Variants in FNTB observed in about 807,000 individuals in gnomAD.
The protein encoded by FNTB is farnesyltransferase, CAAX box, subunit beta.
FNTB carries 27 observed loss-of-function variants against 59.4 expected under a neutral mutation model. The ratio of observed to expected loss-of-function variants is 0.45; its 90% confidence interval spans 0.34 to 0.63. FNTB has a LOEUF of 0.63. Among genes scored for constraint, FNTB ranks in the 20% least tolerant of loss-of-function variants. The probability of loss-of-function intolerance (pLI) is 0.02; values close to 1 mark genes in which losing one functional copy is unlikely to be tolerated. For missense variants in FNTB, 449 were observed against 559.6 expected (o/e 0.80, Z 1.99); for synonymous variants, 230 against 220.7 (o/e 1.04, Z -0.37).
intron 9 of FNTB, among the ~76,000 whole-genome samples, chr14:65,050,809 T>C (rs1364499875): frequency 6.6e-6 from 1 of 152,250 alleles, no homozygotes; most frequent in Non-Finnish European, 1.5e-5. Context: ...CTTAACAATG[T>C]TTATTCCCTT....
At chr14:65,051,411 G>C (rs2062606423) in intron 9 of FNTB, among the ~76,000 whole-genome samples, 1 of 152,178 alleles carries the variant, frequency 6.6e-6, no homozygotes, top group African/African-American at 2.4e-5. Flanking sequence ...AGGAGTTAGA[G>C]AGCAGCCTGA....
chr14:65,040,997 G>C, intron 8 of FNTB, 78 bp downstream of exon 8: 1 of 1,566,340 alleles, frequency 6.4e-7, no homozygotes, highest in South Asian at 1.2e-5. Context: ...GCAGGCTTCA[G>C]GAGAGTTTGG....
intron 1 of FNTB, among the ~76,000 whole-genome samples, chr14:64,999,142 A>G (rs1169961477): frequency 6.6e-6 from 1 of 152,244 alleles, no homozygotes; most frequent in Non-Finnish European, 1.5e-5. Flanking sequence ...ATAGAGATAG[A>G]AAGTAAATTA....
intron 7 of FNTB, among the ~76,000 whole-genome samples, chr14:65,037,010 C>T (rs1428404515): frequency 6.6e-6 from 1 of 152,008 alleles, no homozygotes; most frequent in African/African-American, 2.4e-5. Context: ...TTTTGCTGGG[C>T]ACTCGATTTG....
intron 7 of FNTB, among the ~76,000 whole-genome samples, 185 bp from the exon 8 acceptor site, chr14:65,040,604 CT>C (rs35890649): frequency 0.09 from 10,611 of 117,258 alleles, 312 homozygotes; most frequent in Admixed American, 0.15. Context: ...CCAGGCCCAG[CT>C]TTTTTTTTTT....
Position 64,996,260 on chromosome 14 carries a change from G to T in FNTB, c.145-7989G>T, listed in dbSNP as rs192286170. Among the ~76,000 whole-genome samples the T allele has an allele frequency of 5.2e-3, 792 of 152,328 alleles. 6 individuals carry two copies. Among genetic ancestry groups the T allele is most frequent in the South Asian group, 0.02 (95 of 4,830 alleles). On this transcript the variant is annotated intron_variant, in intron 1 of 11. Transcript: ENST00000246166. ...GAAGCCAGGAATTTGAGACCAGCCT[G>T]TGCAACATGGTGAGGCCCATCTCTA... is the stretch of plus-strand genomic sequence containing the variant.
intron 2 of FNTB, among the ~76,000 whole-genome samples, chr14:65,005,344 T>C (rs1183513654): frequency 1.3e-5 from 2 of 152,250 alleles, no homozygotes; most frequent in Admixed American, 6.5e-5. Flanking sequence ...GAGTCTTTTT[T>C]TGAAACCATT....
rs61530668 is a variant in FNTB, at chr14:65,056,228, CAT to C, written c.1182+1540_1182+1541del. On this transcript the variant is annotated intron_variant, in intron 11 of 11. Coordinates refer to ENST00000246166, the MANE Select transcript of FNTB (RefSeq NM_002028.4). ...TATTTTTGAGGTTTATCTGTGTTCA[CAT>C]GTGTTGCTCCAGTTTATTCATTTTA... Among the ~76,000 whole-genome samples, 1,089 of 152,294 alleles carry C rather than the reference CAT, an allele frequency of 7.2e-3. 12 individuals are homozygous for C. Among genetic ancestry groups the C allele is most frequent in the African/African-American group, 0.024 (979 of 41,552 alleles).
At chr14:65,034,307 A>G (rs2062145757) in intron 7 of FNTB, among the ~76,000 whole-genome samples, 1 of 152,198 alleles carries the variant, frequency 6.6e-6, no homozygotes, top group African/African-American at 2.4e-5. Context: ...CCTTCGTTGA[A>G]GTCCCTGTCC....
At chr14:65,024,218 C>T (rs576264957) in intron 4 of FNTB, among the ~76,000 whole-genome samples, 2 of 152,068 alleles carry the variant, frequency 1.3e-5, no homozygotes, top group Non-Finnish European at 1.5e-5. Context: ...AGCACTGATA[C>T]CTGGCTGAAC....
chr14:65,001,221 C>CAAT lies in FNTB; in HGVS notation c.145-3027_145-3025dup, dbSNP rs1888588585. ...TAAAATACAGGCGTGCACTATATAACAATCAACAGACTACATATACCACAG... is the reference window on the plus strand; with the variant it reads ...TAAAATACAGGCGTGCACTATATAACAATAATCAACAGACTACATATACCACAG... On this transcript the variant is annotated intron_variant, in intron 1 of 11. Coordinates refer to ENST00000246166, the MANE Select transcript of FNTB (RefSeq NM_002028.4). The surrounding 1 kb of genome is among the most constrained non-coding windows in gnomAD (Gnocchi z 5.5). Among the ~76,000 whole-genome samples the CAAT allele has an allele frequency of 6.6e-6, 1 of 152,158 alleles. No individual in the cohort carries two copies. The highest frequency in any genetic ancestry group is 2.1e-4 in the South Asian group (1 of 4,828).
At chr14:65,036,426 G>A (rs1297210053) in intron 7 of FNTB, among the ~76,000 whole-genome samples, 3 of 144,718 alleles carry the variant, frequency 2.1e-5, no homozygotes, top group Admixed American at 6.9e-5. Context: ...TAGTAGAGAC[G>A]GGGTTTTCCC....
rs1305169650 is a variant in FNTB, at chr14:65,047,172, C to G, written c.955+2729C>G. On this transcript the variant is annotated intron_variant, in intron 9 of 11. Transcript: ENST00000246166. The surrounding 1 kb of genome is among the most constrained non-coding windows in gnomAD (Gnocchi z 5.2). ...TACTGGTAGCGGAGTCTTCCCAAGCCCTCACTGTATGCCAGGGGCTGTACT... is the reference window on the plus strand; with the variant it reads ...TACTGGTAGCGGAGTCTTCCCAAGCGCTCACTGTATGCCAGGGGCTGTACT... 6.6e-6 allele frequency among the ~76,000 whole-genome samples: 1 copy of G among 152,198 alleles called. No individual in the cohort carries two copies. The highest frequency in any genetic ancestry group is 1.5e-5 in the Non-Finnish European group (1 of 68,044).
At chr14:65,046,836 G>A (rs530169247) in intron 9 of FNTB, among the ~76,000 whole-genome samples, 6 of 127,826 alleles carry the variant, frequency 4.7e-5, no homozygotes, top group African/African-American at 1.9e-4. Context: ...AGGATGTGAA[G>A]TTACAGGTGA....
chr14:65,052,285 TATA>T (rs1282271261), intron 9 of FNTB, among the ~76,000 whole-genome samples: 4 of 152,120 alleles, frequency 2.6e-5, no homozygotes, highest in Non-Finnish European at 5.9e-5. Flanking sequence ...GCTACACAGT[TATA>T]ATAACTAGGT....
intron 11 of FNTB, among the ~76,000 whole-genome samples, chr14:65,058,702 C>T (rs1042114944): frequency 6.6e-6 from 1 of 152,148 alleles, no homozygotes; most frequent in South Asian, 2.1e-4. Flanking sequence ...TTATTGAATG[C>T]TTTCTCCGCA....
In FNTB at chr14:65,054,013, AT is replaced by A; in HGVS notation, c.1068-560del. On this transcript the variant is annotated intron_variant, in intron 10 of 11. Transcript: ENST00000246166. The surrounding 1 kb of genome is among the most constrained non-coding windows in gnomAD (Gnocchi z 4.4). ...GACAGCTGGAGAGACTGACTTTAAA[AT>A]TACAGTTTCCTTTAATAGTTTAAGG... Among the ~76,000 whole-genome samples the A allele has an allele frequency of 6.6e-6, 1 of 152,362 alleles. No individual in the cohort carries two copies. The highest frequency in any genetic ancestry group is 1.9e-4 in the East Asian group (1 of 5,190).
chr14:65,004,101 C>A (rs1223735705), intron 1 of FNTB, 148 bp from the exon 2 acceptor site: 14 of 714,578 alleles, frequency 2.0e-5, no homozygotes, highest in Non-Finnish European at 2.7e-5. Context: ...AGCCTGTCAT[C>A]CTGCAGAACC....
At chr14:65,055,880 A>C (rs1490396940) in intron 11 of FNTB, among the ~76,000 whole-genome samples, 1 of 152,204 alleles carries the variant, frequency 6.6e-6, no homozygotes, top group Non-Finnish European at 1.5e-5. Flanking sequence ...GCCAATAGAT[A>C]GTTGAAAAGA....
Sources: allele counts gnomAD v4.1 joint callset (sites outside exome capture counted in the v4.1 genomes callset), GRCh38; gene constraint gnomAD v4.1.1; non-coding constraint Gnocchi (gnomAD v3.1); transcripts MANE v1.5; gene names NCBI Gene and HGNC (gene_info 2026-07-23, HGNC 2026-07-21).